TRIM16: variants seen among roughly 807,000 people sequenced by gnomAD.
TRIM16 encodes tripartite motif containing 16.
Under a neutral mutation model 50.4 loss-of-function variants are expected in TRIM16, and 33 were observed. The ratio of observed to expected loss-of-function variants is 0.65; its 90% CI spans 0.50 to 0.88. The LOEUF is 0.88. Ranked by LOEUF, TRIM16 falls within the 40% of genes least tolerant of loss-of-function variation. The pLI is 0.00. For missense variants in TRIM16, 581 were observed against 686.8 expected, an observed-to-expected ratio of 0.85 and a Z score of 1.72; for synonymous variants, 229 against 270.7, an observed-to-expected ratio of 0.85 and a Z score of 1.51.
At chr17:15,679,043 T>C (rs1222744574) in intron 4 of TRIM16, among the ~76,000 whole-genome samples, 1 of 150,210 alleles carries the variant, frequency 6.7e-6, no homozygotes, top group Non-Finnish European at 1.5e-5. Context: ...GCCCAGCTAC[T>C]TTTTTTTGTA....
At chr17:15,682,619 CAT>C (rs1422945279) in intron 3 of TRIM16, among the ~76,000 whole-genome samples, 2 of 152,246 alleles carry the variant, frequency 1.3e-5, no homozygotes, top group African/African-American at 4.8e-5. Flanking sequence ...GCCCTGAGCT[CAT>C]AGAGGTTCAA....
chr17:15,629,295 A>G, intron 11 of TRIM16, 97 bp from the exon 12 acceptor site: 2 of 691,510 alleles, frequency 2.9e-6, no homozygotes, highest in Non-Finnish European at 4.9e-6. Flanking sequence ...CACATATGAG[A>G]AAACATCCAT....
chr17:15,660,439 C>T (rs112532685), intron 6 of TRIM16, among the ~76,000 whole-genome samples: 2,749 of 152,280 alleles, frequency 0.018, 73 homozygotes, highest in African/African-American at 0.062. Flanking sequence ...ATTTCCACCT[C>T]ACTGCTGAAA....
chr17:15,681,853 GA>G (rs1346841092), intron 3 of TRIM16, among the ~76,000 whole-genome samples: 1 of 152,308 alleles, frequency 6.6e-6, no homozygotes, highest in East Asian at 1.9e-4. Context: ...CCTCCTTGTG[GA>G]TTTGTTTGGG....
At chr17:15,639,079 G>C (rs571722903) in intron 8 of TRIM16, among the ~76,000 whole-genome samples, 3 of 120,022 alleles carry the variant, frequency 2.5e-5, no homozygotes, top group Non-Finnish European at 1.6e-5. Flanking sequence ...TTTTAGACAA[G>C]GTCTCCTCTG....
At position 15,675,395 on chromosome 17, in the gene TRIM16, G is replaced by A. The variant is rs537090448; in HGVS notation, c.-338+1781C>T. 3 of 165,400 alleles carry A rather than the reference G, an allele frequency of 1.8e-5. No individual in the cohort carries two copies. The East Asian group carries it at 5.8e-4, about 32-fold the overall frequency. The allele number at this position is 165,400 out of a possible 1,614,324, so 10.2% of individuals were successfully genotyped here. ...ATTCAGGGAGATTCTCCACTGTGAA[G>A]TCTCTGGTGTCTAATGAGGGCTGAA... is the stretch of plus-strand genomic sequence containing the variant. On this transcript the variant is annotated intron_variant, in intron 6 of 11. Transcript: ENST00000649191.
intron 7 of TRIM16, among the ~76,000 whole-genome samples, chr17:15,644,504 A>G (rs1263733218): frequency 2.6e-5 from 4 of 152,052 alleles, no homozygotes; most frequent in Non-Finnish European, 2.9e-5. Flanking sequence ...TTGGGTTTAT[A>G]TGGAGGCTTC....
intron 6 of TRIM16, among the ~76,000 whole-genome samples, chr17:15,660,010 G>A (rs760472643): frequency 2.2e-4 from 33 of 152,332 alleles, no homozygotes; most frequent in African/African-American, 4.6e-4. Flanking sequence ...GTAGGTAAGC[G>A]AACAGACACC....
intron 9 of TRIM16, among the ~76,000 whole-genome samples, chr17:15,635,370 TC>T (rs1277884188): frequency 6.7e-6 from 1 of 148,910 alleles, no homozygotes; most frequent in Admixed American, 6.6e-5. Context: ...TAGATCTCGT[TC>T]CAATGGCTTA....
At position 15,680,916 on chromosome 17, in the gene TRIM16, C is replaced by T. The variant is rs919400493; in HGVS notation, c.-641G>A. The T allele has an allele frequency of 5.8e-6, 9 of 1,546,084 alleles. No individual in the cohort carries two copies. In the African/African-American group the frequency reaches 1.1e-4, roughly 19 times the overall value. ...CAGCCATATTTTCCTTCTTAAGATACCCCTTTTGGGAAAGGGCAGGGTCCT... is the reference window on the plus strand; with the variant it reads ...CAGCCATATTTTCCTTCTTAAGATATCCCTTTTGGGAAAGGGCAGGGTCCT... On this transcript the variant is annotated 5_prime_UTR_variant, in exon 4 of 12. Transcript: ENST00000649191.
chr17:15,651,736 C>A lies in TRIM16; in HGVS notation c.-127G>T. ...CTGCAAGATTTTAACTGTTTCCTCC[C>A]TCCCAGAGGAAGCTCGGCCACTCAT... On this transcript the variant is annotated 5_prime_UTR_variant, in exon 7 of 12. It adds an upstream start codon to the 5' untranslated region. Coordinates refer to ENST00000649191, the MANE Select transcript of TRIM16 (RefSeq NM_001348119.1). The A allele has an allele frequency of 6.6e-7, 1 of 1,525,160 alleles. No homozygotes were observed. Among genetic ancestry groups the A allele is most frequent in the Non-Finnish European group, 8.8e-7 (1 of 1,141,842 alleles). 94.5% of individuals were successfully genotyped at this position (1,525,160 alleles called of 1,614,324 possible). A position where few individuals can be genotyped will look rare whatever the true frequency, so the allele number is the denominator to read the frequency against.
intron 7 of TRIM16, among the ~76,000 whole-genome samples, chr17:15,643,897 T>C (rs1408633171): frequency 6.6e-6 from 1 of 152,052 alleles, no homozygotes; most frequent in Non-Finnish European, 1.5e-5. Context: ...TACTTATGAA[T>C]AGGAAAAACA....
intron 6 of TRIM16, among the ~76,000 whole-genome samples, chr17:15,652,849 G>A (rs115443624): frequency 8.0e-4 from 122 of 152,228 alleles, no homozygotes; most frequent in African/African-American, 2.8e-3. Context: ...TGAACATCAC[G>A]TGGGTACTCA....
At chr17:15,657,856 G>C (rs1449773279) in intron 6 of TRIM16, among the ~76,000 whole-genome samples, 1 of 152,198 alleles carries the variant, frequency 6.6e-6, no homozygotes, top group Non-Finnish European at 1.5e-5. Flanking sequence ...GTGTTGATTG[G>C]ACATCATTGG....
chr17:15,652,943 G>A (rs888426477), intron 6 of TRIM16, among the ~76,000 whole-genome samples: 7 of 152,034 alleles, frequency 4.6e-5, no homozygotes, highest in South Asian at 2.1e-4. Flanking sequence ...CCCACTTAAC[G>A]AAACATTCCT....
At chr17:15,677,935 C>T (rs1989015683) in intron 4 of TRIM16, among the ~76,000 whole-genome samples, 1 of 152,068 alleles carries the variant, frequency 6.6e-6, no homozygotes, top group Non-Finnish European at 1.5e-5. Flanking sequence ...AGAAAACTAT[C>T]GGCTGGGTGC....
chr17:15,652,535 T>A (rs1987777264), intron 6 of TRIM16, among the ~76,000 whole-genome samples: 1 of 136,058 alleles, frequency 7.3e-6, no homozygotes, highest in Admixed American at 8.1e-5. Flanking sequence ...GGATCTTGGC[T>A]CACTGCAACC....
At chr17:15,656,478 T>C (rs1987986572) in intron 6 of TRIM16, among the ~76,000 whole-genome samples, 1 of 152,078 alleles carries the variant, frequency 6.6e-6, no homozygotes, top group South Asian at 2.1e-4. Flanking sequence ...TTCTCTCATT[T>C]CCTATGCCTA....
rs1417677558 is a variant in TRIM16 at position 15,683,004 on chromosome 17, T to C, written c.-777+32A>G. 10 of 1,550,238 alleles carry C rather than the reference T, an allele frequency of 6.5e-6. No individual in the cohort carries two copies. The South Asian group carries it at 8.3e-5, about 13-fold the overall frequency. ...TGTGTGCATACTGCAGATTCTTGGC[T>C]AATGGCAGGACCCTTTATTTCTATT... On this transcript the variant is annotated intron_variant, in intron 2 of 11. Transcript: ENST00000649191.
Sources: allele counts gnomAD v4.1 joint callset (sites outside exome capture counted in the v4.1 genomes callset), GRCh38; gene constraint gnomAD v4.1.1; transcripts MANE v1.5; gene names NCBI Gene and HGNC (gene_info 2026-07-23, HGNC 2026-07-21).